The following GON4L variants were observed in gnomAD, a reference collection of about 807,000 sequenced individuals.
The protein encoded by GON4L is GON-4-like protein.
A neutral mutation model predicts 211.8 loss-of-function variants in GON4L; 87 were observed. That is an observed-to-expected ratio of 0.41 (90% CI 0.35 to 0.49). The LOEUF is 0.49. Among genes scored for constraint, GON4L ranks in the 20% least tolerant of loss-of-function variants. The pLI, the probability that GON4L is intolerant of heterozygous loss-of-function variation, is 0.15. For synonymous variants in GON4L, 875 were observed against 962.6 expected (o/e 0.91, Z 1.68); for missense variants, 2,155 against 2,659.5 (o/e 0.81, Z 4.17).
At chr1:155,845,931 AGT>A (rs1671190644) in intron 2 of GON4L, 1 of 216,346 alleles carries the variant, frequency 4.6e-6, no homozygotes, top group African/African-American at 2.3e-5. Flanking sequence ...ACTCTTTCCC[AGT>A]GTATCACAAA....
chr1:155,779,278 AAAAG>A (rs891984869), intron 14 of GON4L, among the ~76,000 whole-genome samples: 4 of 151,738 alleles, frequency 2.6e-5, no homozygotes, highest in African/African-American at 9.7e-5. Flanking sequence ...AAAAAAAGAA[AAAAG>A]AAAGAAAGAT....
chr1:155,816,163 C>T (rs556948364), intron 7 of GON4L, 49 bp downstream of exon 7: 170 of 912,650 alleles, frequency 1.9e-4, no homozygotes, highest in Non-Finnish European at 2.9e-4. Flanking sequence ...GTTTCAAAAC[C>T]GATGAAGTCT....
intron 2 of GON4L, 26 bp from the exon 3 acceptor site, chr1:155,827,054 A>G (rs1388820899): frequency 6.6e-7 from 1 of 1,526,068 alleles, no homozygotes; most frequent in East Asian, 2.2e-5. Flanking sequence ...ATATTGCTCC[A>G]CACTTTGACC....
rs372126626 is a variant in GON4L at position 155,810,147 on chromosome 1, C to T, written c.1452+3487G>A. ...AGTAGCTGGGATTACAGGCACTTGC[C>T]ACAATGCCCAGCTAATTTTTGTATT... On this transcript the variant is annotated intron_variant, in intron 10 of 31. Transcript: ENST00000368331. Among the ~76,000 whole-genome samples, 17 of 150,752 alleles carry T rather than the reference C, an allele frequency of 1.1e-4. No individual in the cohort carries two copies. The East Asian group carries it at 1.6e-3, about 14-fold the overall frequency.
chr1:155,858,058 A>C (rs1672420038), upstream of GON4L, among the ~76,000 whole-genome samples: 1 of 152,238 alleles, frequency 6.6e-6, no homozygotes, highest in African/African-American at 2.4e-5. Flanking sequence ...GTACACAGAC[A>C]GCTATCAAGG....
chr1:155,752,712 G>A lies in GON4L; in HGVS notation c.5843-122C>T, dbSNP rs951572920. On this transcript the variant is annotated intron_variant, in intron 29 of 31. Coordinates refer to ENST00000368331, the MANE Select transcript of GON4L (RefSeq NM_001282860.2). ...ATAAAAAAGAGGGCTGGGCATGGTG[G>A]CTCACACCTATAATGTCCGCACTTT... 47 of 1,465,214 alleles carry A rather than the reference G, an allele frequency of 3.2e-5. No individual in the cohort carries two copies. The Middle Eastern group carries it at 7.1e-4, about 22-fold the overall frequency. The allele number at this position is 1,465,214 out of a possible 1,614,324, so 90.8% of individuals were successfully genotyped here.
chr1:155,766,743 T>C, intron 20 of GON4L, 34 bp from the exon 21 acceptor site: 2 of 1,613,030 alleles, frequency 1.2e-6, no homozygotes, highest in South Asian at 1.1e-5. Flanking sequence ...ATCCAGCATA[T>C]GTCAGAATTT....
At chr1:155,797,868 A>C (rs933221125) in intron 11 of GON4L, among the ~76,000 whole-genome samples, 8 of 150,848 alleles carry the variant, frequency 5.3e-5, no homozygotes, top group Non-Finnish European at 1.2e-4. Context: ...AAAAAAAAAA[A>C]AACACATATA....
In GON4L at chr1:155,765,848, A is replaced by G. The variant is rs750840470; in HGVS notation, c.3625T>C (p.Ser1209Pro). The change falls in exon 21 of 32, where the codon TCT (serine) becomes CCT (proline). Residue 1209 changes from serine (S) to proline (P), a missense_variant. This residue lies in a region of GON4L where 615 missense variants were observed against 625.7 expected (regional missense o/e 0.98). Transcript: ENST00000368331. ...VASSVSPLIVSGNSVNLPIPS... is the reference protein window; with the variant it reads ...VASSVSPLIVPGNSVNLPIPS... ...ATAGGAAGATTCACAGAATTGCCAGAAACAATTAAGGGTGAGACAGAGGAG... is the reference window on the plus strand; with the variant it reads ...ATAGGAAGATTCACAGAATTGCCAGGAACAATTAAGGGTGAGACAGAGGAG... 8.2e-5 allele frequency: 133 copies of G among 1,614,052 alleles called. No homozygotes were observed. The highest frequency in any genetic ancestry group is 1.1e-4 in the Non-Finnish European group (130 of 1,180,050).
At chr1:155,850,807 T>C (rs1330629433) in intron 2 of GON4L, among the ~76,000 whole-genome samples, 1 of 151,840 alleles carries the variant, frequency 6.6e-6, no homozygotes, top group Non-Finnish European at 1.5e-5. Context: ...TCCTAGCACT[T>C]TGGGAGGCCG....
intron 14 of GON4L, among the ~76,000 whole-genome samples, chr1:155,782,986 A>C (rs1407266179): frequency 6.6e-6 from 1 of 152,172 alleles, no homozygotes; most frequent in Non-Finnish European, 1.5e-5. Flanking sequence ...AAGAAGTTAC[A>C]AAGAGTCAAT....
At chr1:155,770,233 CAA>C in intron 19 of GON4L, among the ~76,000 whole-genome samples, 1 of 151,884 alleles carries the variant, frequency 6.6e-6, no homozygotes, top group South Asian at 2.1e-4. Context: ...AAAAACAAAA[CAA>C]AACAAAAGGC....
In GON4L at chr1:155,753,418, C is replaced by T. The variant is rs1404024313; in HGVS notation, c.5632-4G>A. On this transcript the variant is annotated splice_region_variant and splice_polypyrimidine_tract_variant and intron_variant, in intron 28 of 31. Coordinates refer to ENST00000368331, the MANE Select transcript of GON4L (RefSeq NM_001282860.2). The stretch of plus-strand genomic sequence containing the variant: ...TGTAGGATTTGCTGTCACAGACCTG[C>T]AGGGATGGTCTTCCGGGTCAAAGGT... 1 of 1,610,016 alleles carries T rather than the reference C, an allele frequency of 6.2e-7. No homozygotes were observed. Among genetic ancestry groups the T allele is most frequent in the Non-Finnish European group, 8.5e-7 (1 of 1,176,996 alleles).
chr1:155,752,615 G>A (rs1159506847), intron 29 of GON4L, 25 bp from the exon 30 acceptor site: 15 of 1,563,740 alleles, frequency 9.6e-6, no homozygotes, highest in Admixed American at 1.9e-5. Context: ...AAGGATCTCA[G>A]GGTACTGTCA....
At chr1:155,849,358 C>T (rs1671554306) in intron 2 of GON4L, among the ~76,000 whole-genome samples, 1 of 151,726 alleles carries the variant, frequency 6.6e-6, no homozygotes, top group African/African-American at 2.4e-5. Context: ...TCCTGACTAA[C>T]ATGGTGAAAC....
At chr1:155,745,768 A>C (rs1660233303), downstream of GON4L, 9 of 882,766 alleles carry the variant, frequency 1.0e-5, no homozygotes, top group Non-Finnish European at 1.6e-5. Flanking sequence ...CTGCCAAGCC[A>C]ATCGGCTAGG....
In GON4L at chr1:155,750,595, G is replaced by C. The variant is rs201369978; in HGVS notation, c.6715C>G (p.Leu2239Val). The change falls in exon 32 of 32, where the codon CTG becomes GTG. Residue 2239 changes from leucine (L) to valine (V), a missense_variant. By Grantham distance (32) the Leu-to-Val change is conservative. This residue lies in a region of GON4L where 186 missense variants were observed against 308.1 expected (regional missense o/e 0.60). Transcript: ENST00000368331. ...TGATTCCCAGAGTCTCATTCATCCA[G>C]CTCCTCTTCAGACAGAAGGTCCCCA... ...DHGDLLSEEE[L>V]DE is the part of the protein sequence containing the mutation. 6.3e-7 allele frequency: 1 copy of C among 1,586,510 alleles called. No individual in the cohort carries two copies. Among genetic ancestry groups the C allele is most frequent in the Non-Finnish European group, 8.6e-7 (1 of 1,156,412 alleles).
chr1:155,847,583 C>T (rs1671366833), intron 2 of GON4L, among the ~76,000 whole-genome samples: 1 of 152,026 alleles, frequency 6.6e-6, no homozygotes, highest in African/African-American at 2.4e-5. Context: ...GTACCTATAA[C>T]CCCAGCTACT....
intron 6 of GON4L, among the ~76,000 whole-genome samples, chr1:155,817,683 G>A (rs957739704): frequency 2.5e-4 from 38 of 152,138 alleles, no homozygotes; most frequent in African/African-American, 8.7e-4. Context: ...GGAGATCAAG[G>A]CAGAAGGATC....
Sources: gnomAD v4.1 joint callset for allele counts (sites outside exome capture counted in the v4.1 genomes callset) on GRCh38, gnomAD v4.1.1 for gene constraint, gnomAD v4.1.1 regional missense constraint, MANE v1.5 for transcripts, NCBI Gene and HGNC (gene_info 2026-07-23, HGNC 2026-07-21) for gene names.